ARHGAP17: variants seen among roughly 807,000 people sequenced by gnomAD.
ARHGAP17 encodes the protein rho GTPase-activating protein 17.
A neutral mutation model predicts 99.5 loss-of-function variants in ARHGAP17; 57 were observed. The observed-to-expected ratio is 0.57, with a 90% CI of 0.46 to 0.71. ARHGAP17 has a LOEUF of 0.71. Ranked by LOEUF, ARHGAP17 falls within the 30% of genes least tolerant of loss-of-function variation. ARHGAP17 has a pLI of 0.00. For synonymous variants in ARHGAP17, 417 were observed against 429.6 expected (o/e 0.97, Z 0.36); for missense variants, 1,000 against 1,122.4 (o/e 0.89, Z 1.56).
At chr16:24,973,638 C>T (rs1014724706) in intron 3 of ARHGAP17, among the ~76,000 whole-genome samples, 3 of 152,238 alleles carry the variant, frequency 2.0e-5, no homozygotes, top group African/African-American at 7.2e-5. Context: ...CAGGAAGCCT[C>T]ACCTAACTAC....
At chr16:24,948,190 G>A (rs1230571309) in intron 13 of ARHGAP17, among the ~76,000 whole-genome samples, 1 of 152,096 alleles carries the variant, frequency 6.6e-6, no homozygotes, top group Non-Finnish European at 1.5e-5. Context: ...GATGTATTAC[G>A]CAAATACCTT....
intron 9 of ARHGAP17, among the ~76,000 whole-genome samples, chr16:24,958,964 T>G (rs867737317): frequency 6.6e-6 from 1 of 151,764 alleles, no homozygotes; most frequent in African/African-American, 2.4e-5. Context: ...TGGTAAATGC[T>G]CTAATGGTAA....
intron 14 of ARHGAP17, among the ~76,000 whole-genome samples, chr16:24,947,080 A>ATGC (rs2051494865): frequency 6.6e-6 from 1 of 152,174 alleles, no homozygotes; most frequent in South Asian, 2.1e-4. Flanking sequence ...AAAAATCTGT[A>ATGC]TGCTTTCTCC....
chr16:24,942,490 G>A (rs938658726), intron 15 of ARHGAP17, among the ~76,000 whole-genome samples: 1 of 152,246 alleles, frequency 6.6e-6, no homozygotes, highest in East Asian at 1.9e-4. Flanking sequence ...CATTTAGCTG[G>A]GTGTGGTGGC....
chr16:24,966,618 G>C (rs370145083), intron 6 of ARHGAP17, among the ~76,000 whole-genome samples: 15 of 151,640 alleles, frequency 9.9e-5, no homozygotes, highest in African/African-American at 3.4e-4. Context: ...TTGACAGAGA[G>C]AGACTCCATC....
intron 1 of ARHGAP17, among the ~76,000 whole-genome samples, chr16:25,014,824 G>C (rs1029214540): frequency 6.6e-6 from 1 of 152,226 alleles, no homozygotes; most frequent in Non-Finnish European, 1.5e-5. Context: ...GTTAGGGACA[G>C]AAGTCACCGT....
At chr16:24,997,436 C>A (rs1005037616) in intron 1 of ARHGAP17, among the ~76,000 whole-genome samples, 16 of 152,368 alleles carry the variant, frequency 1.1e-4, no homozygotes, top group African/African-American at 3.8e-4. Context: ...GTGCAAGGCA[C>A]CCAGTATACA....
chr16:24,929,256 C>T (rs1400813322), intron 19 of ARHGAP17, among the ~76,000 whole-genome samples: 3 of 151,772 alleles, frequency 2.0e-5, no homozygotes, highest in Admixed American at 1.3e-4. Flanking sequence ...GTCTCGAACT[C>T]CTGAGCTCAA....
intron 4 of ARHGAP17, among the ~76,000 whole-genome samples, chr16:24,969,749 G>A (rs1434558507): frequency 1.3e-5 from 2 of 152,118 alleles, no homozygotes; most frequent in African/African-American, 2.4e-5. Context: ...CTGGCAGGTG[G>A]GCACAGGCCA....
intron 1 of ARHGAP17, among the ~76,000 whole-genome samples, chr16:25,008,933 T>C (rs763052911): frequency 8.3e-4 from 127 of 152,130 alleles, no homozygotes; most frequent in Non-Finnish European, 1.4e-3. Flanking sequence ...CCATAAAAGA[T>C]GAGATTGAGA....
intron 6 of ARHGAP17, among the ~76,000 whole-genome samples, chr16:24,966,995 C>T (rs1245514205): frequency 6.6e-6 from 1 of 152,192 alleles, no homozygotes; most frequent in Admixed American, 6.5e-5. Flanking sequence ...GAGTCTAGCA[C>T]AAAGTCTGGT....
chr16:25,001,686 C>T (rs2053363533), intron 1 of ARHGAP17, among the ~76,000 whole-genome samples: 1 of 152,168 alleles, frequency 6.6e-6, no homozygotes, highest in Non-Finnish European at 1.5e-5. Context: ...TTCCAAAGTG[C>T]TGGGATTACA....
intron 1 of ARHGAP17, among the ~76,000 whole-genome samples, chr16:24,981,745 T>G (rs933619723): frequency 2.0e-4 from 31 of 152,302 alleles, no homozygotes; most frequent in Admixed American, 1.8e-3. Flanking sequence ...AGCATGTTAC[T>G]TACACTTTTA....
At chr16:24,973,014 A>G (rs1259746930) in intron 3 of ARHGAP17, among the ~76,000 whole-genome samples, 3 of 151,730 alleles carry the variant, frequency 2.0e-5, no homozygotes, top group Non-Finnish European at 4.4e-5. Flanking sequence ...AGCTCACTGC[A>G]ACCCACTTCC....
intron 4 of ARHGAP17, among the ~76,000 whole-genome samples, chr16:24,969,269 A>G (rs2052288286): frequency 6.6e-6 from 1 of 152,062 alleles, no homozygotes; most frequent in Non-Finnish European, 1.5e-5. Flanking sequence ...TATCATACAA[A>G]GTACACGTGC....
rs527270062 is a variant in ARHGAP17, at chr16:24,993,026, C to T, written c.54-14021G>A. Among the ~76,000 whole-genome samples, 9 of 152,244 alleles carry T rather than the reference C, an allele frequency of 5.9e-5. No individual in the cohort carries two copies. In the East Asian group the frequency reaches 1.4e-3, roughly 23 times the overall value. On this transcript the variant is annotated intron_variant, in intron 1 of 19. Coordinates refer to ENST00000289968, the MANE Select transcript of ARHGAP17 (RefSeq NM_001006634.3). The stretch of plus-strand genomic sequence containing the variant: ...ATGTTGTCCACACTGGTTTCAAACT[C>T]CTCGCCGCAAGTGATCCTCCTGCCT...
chr16:25,002,008 G>A (rs2053373084), intron 1 of ARHGAP17, among the ~76,000 whole-genome samples: 1 of 151,874 alleles, frequency 6.6e-6, no homozygotes, highest in Non-Finnish European at 1.5e-5. Context: ...TTAAACCTGG[G>A]AGACAGAGGT....
chr16:24,930,955 C>T lies in ARHGAP17; in HGVS notation c.2344G>A (p.Gly782Ser), dbSNP rs2050969161. 1.2e-6 allele frequency: 2 copies of T among 1,613,906 alleles called. No individual in the cohort carries two copies. The highest frequency in any genetic ancestry group is 1.7e-6 in the Non-Finnish European group (2 of 1,179,970). ...TGTGGCTGTGCAGTTTCAGGGTTAC[C>T]CCCTGCCAGGGTCTGAGGAGCTGGC... ...SLPAPQTLAG[G>S]NPETAQPHAG... Residue 782 changes from glycine (G) to serine (S), a missense_variant, in exon 19 of 20, where the codon GGT becomes AGT. By Grantham distance (56) the Gly-to-Ser change is moderately conservative. Transcript: ENST00000289968.
intron 17 of ARHGAP17, among the ~76,000 whole-genome samples, chr16:24,939,098 T>C (rs1045051053): frequency 1.3e-5 from 2 of 152,256 alleles, no homozygotes; most frequent in African/African-American, 4.8e-5. Flanking sequence ...CATCACACTA[T>C]GAGACATCCA....
Sources: allele counts gnomAD v4.1 joint callset (sites outside exome capture counted in the v4.1 genomes callset), GRCh38; gene constraint gnomAD v4.1.1; transcripts MANE v1.5; gene names NCBI Gene and HGNC (gene_info 2026-07-23, HGNC 2026-07-21).